ANKS1B: variants seen among roughly 807,000 people sequenced by gnomAD.
ANKS1B encodes ankyrin repeat and sterile alpha motif domain containing 1B.
Under a neutral mutation model 148.3 loss-of-function variants are expected in ANKS1B, and 36 were observed. That is an observed-to-expected ratio of 0.24 (90% confidence interval 0.19 to 0.32). The LOEUF is 0.32. Among genes scored for constraint, ANKS1B ranks in the 10% least tolerant of loss-of-function variants. The pLI is 1.00. For missense variants in ANKS1B, 1,157 were observed against 1,542.6 expected, an observed-to-expected ratio of 0.75 and a Z score of 4.19; for synonymous variants, 542 against 560.8, an observed-to-expected ratio of 0.97 and a Z score of 0.47.
At chr12:99,508,875 A>G (rs1021854379) in intron 9 of ANKS1B, among the ~76,000 whole-genome samples, 1 of 151,874 alleles carries the variant, frequency 6.6e-6, no homozygotes, top group African/African-American at 2.4e-5. Context: ...TTTTACAGAT[A>G]TTGCATTTTT....
chr12:99,120,783 G>A (rs2062592844), intron 15 of ANKS1B, among the ~76,000 whole-genome samples: 1 of 152,156 alleles, frequency 6.6e-6, no homozygotes. Context: ...TGGATTTGAG[G>A]TCCCTGGGGG....
intron 17 of ANKS1B, among the ~76,000 whole-genome samples, chr12:98,985,683 T>C (rs1289552526): frequency 6.6e-6 from 1 of 152,094 alleles, no homozygotes; most frequent in African/African-American, 2.4e-5. Flanking sequence ...GATACTATTG[T>C]CTTTCATTTT....
At chr12:99,384,180 C>T (rs2093764514) in intron 12 of ANKS1B, among the ~76,000 whole-genome samples, 1 of 152,200 alleles carries the variant, frequency 6.6e-6, no homozygotes, top group Non-Finnish European at 1.5e-5. Context: ...TATTTATTGA[C>T]TGAATAAATA....
At chr12:99,351,245 G>T (rs763025234) in intron 12 of ANKS1B, among the ~76,000 whole-genome samples, 1 of 151,938 alleles carries the variant, frequency 6.6e-6, no homozygotes, top group African/African-American at 2.4e-5. Context: ...GAAATGAGTC[G>T]TACAGGTTTT....
At chr12:99,358,793 A>G (rs968708080) in intron 12 of ANKS1B, among the ~76,000 whole-genome samples, 2 of 152,132 alleles carry the variant, frequency 1.3e-5, no homozygotes, top group Non-Finnish European at 1.5e-5. Context: ...GTGTCAGATG[A>G]CATGAATAGA....
chr12:99,295,920 C>G (rs1415748830), intron 12 of ANKS1B, among the ~76,000 whole-genome samples: 1 of 152,158 alleles, frequency 6.6e-6, no homozygotes, highest in Non-Finnish European at 1.5e-5. Context: ...CTTTGCCTAA[C>G]CCAAAGTCAC....
rs889811971 is a variant in ANKS1B, at chr12:99,384,595, C to A, written c.1756+15036G>T. On this transcript the variant is annotated intron_variant, in intron 12 of 26. Transcript: ENST00000683438. ...AAAGGCTCTTTTCTTCTCGTCCCTT[C>A]CCTTCCTTTCCCTGCCCTGCCCTGC... Among the ~76,000 whole-genome samples, 12 of 151,990 alleles carry A rather than the reference C, an allele frequency of 7.9e-5. No homozygotes were observed. In the South Asian group the frequency reaches 1.5e-3, roughly 18 times the overall value.
At chr12:99,300,780 G>T (rs548225495) in intron 12 of ANKS1B, among the ~76,000 whole-genome samples, 5 of 152,286 alleles carry the variant, frequency 3.3e-5, no homozygotes, top group African/African-American at 1.2e-4. Context: ...TGAAGGTTTA[G>T]AGGCATACTT....
At position 99,292,514 on chromosome 12, in the gene ANKS1B, C is replaced by CAAA. The variant is rs58344288; in HGVS notation, c.1757-45653_1757-45651dup. Among the ~76,000 whole-genome samples the CAAA allele has an allele frequency of 3.9e-3, 465 of 120,076 alleles. 2 individuals are homozygous for CAAA. Among genetic ancestry groups the CAAA allele is most frequent in the African/African-American group, 0.011 (387 of 34,004 alleles). 78.8% of individuals were successfully genotyped at this position (120,076 alleles called of 152,430 possible). A position where few individuals can be genotyped will look rare whatever the true frequency, so the allele number is the denominator to read the frequency against. On this transcript the variant is annotated intron_variant, in intron 12 of 26. Transcript: ENST00000683438. ...TGGGCGACAGAGCAAGACTCCATCT[C>CAAA]AAAAAAAAAAAAACGAAACAAAACA...
intron 12 of ANKS1B, among the ~76,000 whole-genome samples, chr12:99,251,201 A>G (rs903202519): frequency 1.3e-5 from 2 of 152,218 alleles, no homozygotes; most frequent in Non-Finnish European, 2.9e-5. Context: ...CAAGAAGTAA[A>G]ACAGTTAGAA....
intron 22 of ANKS1B, chr12:98,795,044 C>T (rs1813801): frequency 0.47 from 319,591 of 675,114 alleles, 79,183 homozygotes; most frequent in East Asian, 0.73. Flanking sequence ...AAATTATTAG[C>T]TTATTTTTTA....
chr12:99,491,801 T>C (rs917342308), intron 10 of ANKS1B, among the ~76,000 whole-genome samples: 25 of 152,292 alleles, frequency 1.6e-4, no homozygotes, highest in African/African-American at 5.3e-4. Flanking sequence ...AACCTGCTCC[T>C]GAACGACTTT....
At chr12:99,848,181 C>G (rs1409610446) in intron 1 of ANKS1B, among the ~76,000 whole-genome samples, 1 of 151,946 alleles carries the variant, frequency 6.6e-6, no homozygotes, top group African/African-American at 2.4e-5. Flanking sequence ...ATTGACAAAC[C>G]TGCTTTGGAG....
At chr12:99,552,304 A>T (rs145359837) in intron 9 of ANKS1B, among the ~76,000 whole-genome samples, 1 of 152,358 alleles carries the variant, frequency 6.6e-6, no homozygotes, top group Non-Finnish European at 1.5e-5. Context: ...CTCAATGTCT[A>T]TCATGGTGTC....
At chr12:99,248,293 G>T (rs546847227) in intron 12 of ANKS1B, among the ~76,000 whole-genome samples, 8 of 152,236 alleles carry the variant, frequency 5.3e-5, no homozygotes, top group African/African-American at 1.9e-4. Flanking sequence ...GTGAAAGCAG[G>T]TATATTCCTA....
intron 1 of ANKS1B, among the ~76,000 whole-genome samples, chr12:99,950,718 C>T (rs2095197672): frequency 1.3e-5 from 2 of 151,576 alleles, no homozygotes; most frequent in Admixed American, 1.3e-4. Flanking sequence ...TTTATTTGTT[C>T]CCCTCAAAAC....
intron 8 of ANKS1B, among the ~76,000 whole-genome samples, chr12:99,656,674 G>T (rs546269202): frequency 6.6e-6 from 1 of 151,838 alleles, no homozygotes; most frequent in South Asian, 2.1e-4. Flanking sequence ...GAGGGTCAAA[G>T]AAATAAAGCA....
chr12:99,544,983 G>T (rs954700557), intron 9 of ANKS1B, among the ~76,000 whole-genome samples: 1 of 152,108 alleles, frequency 6.6e-6, no homozygotes. Context: ...TACATTATCT[G>T]ACTGTCTCTT....
intron 17 of ANKS1B, among the ~76,000 whole-genome samples, chr12:98,874,361 A>C (rs1228112083): frequency 6.6e-6 from 1 of 152,190 alleles, no homozygotes; most frequent in East Asian, 1.9e-4. Context: ...CAGGATTACT[A>C]GTTTAAGGGA....
Sources: gnomAD v4.1 joint callset for allele counts (sites outside exome capture counted in the v4.1 genomes callset) on GRCh38, gnomAD v4.1.1 for gene constraint, MANE v1.5 for transcripts, NCBI Gene and HGNC (gene_info 2026-07-23, HGNC 2026-07-21) for gene names.